The following TBC1D22A variants were observed in gnomAD, a reference collection of about 807,000 sequenced individuals.
The protein encoded by TBC1D22A is putative GTPase activator.
TBC1D22A carries 38 observed loss-of-function variants against 60.2 expected under a neutral mutation model. The observed-to-expected ratio is 0.63, with a 90% confidence interval of 0.49 to 0.83. The LOEUF is 0.83. Ranked by LOEUF, TBC1D22A falls within the 40% of genes least tolerant of loss-of-function variation. TBC1D22A has a pLI of 0.00. For synonymous variants in TBC1D22A, 302 were observed against 281.7 expected, an observed-to-expected ratio of 1.07 and a Z score of -0.72; for missense variants, 628 against 701.0, an observed-to-expected ratio of 0.90 and a Z score of 1.18.
chr22:47,033,322 C>T (rs1318219060), intron 10 of TBC1D22A, among the ~76,000 whole-genome samples: 3 of 152,306 alleles, frequency 2.0e-5, no homozygotes, highest in African/African-American at 7.2e-5. Context: ...TTGAAAAGAA[C>T]GTCATGTTCT....
At chr22:47,125,547 T>G (rs2066423133) in intron 12 of TBC1D22A, among the ~76,000 whole-genome samples, 1 of 152,202 alleles carries the variant, frequency 6.6e-6, no homozygotes, top group Non-Finnish European at 1.5e-5. Flanking sequence ...CTGCAGAGTT[T>G]AATAGCTTTC....
chr22:46,762,803 C>T lies in TBC1D22A; in HGVS notation c.17C>T (p.Ala6Val). 1 of 1,454,232 alleles carries T rather than the reference C, an allele frequency of 6.9e-7. No homozygotes were observed. Among genetic ancestry groups the T allele is most frequent in the Non-Finnish European group, 9.0e-7 (1 of 1,111,318 alleles). The allele number at this position is 1,454,232 out of a possible 1,614,324, so 90.1% of individuals were successfully genotyped here. A position where few individuals can be genotyped will look rare whatever the true frequency, so the allele number is the denominator to read the frequency against. ...GGAGGGGCCATGGCCAGCGACGGGG[C>T]CAGGAAGCAATTCTGGAAGCGCAGC... is the stretch of plus-strand genomic sequence containing the variant. MASDG[A>V]RKQFWKRSNS... is the part of the protein sequence containing the mutation. Residue 6 changes from alanine (A) to valine (V), a missense_variant, in exon 1 of 13, where the codon GCC (alanine) becomes GTC (valine). Ala to Val is a moderately conservative substitution (Grantham distance 64, BLOSUM62 0). Coordinates refer to ENST00000337137, the MANE Select transcript of TBC1D22A (RefSeq NM_014346.5).
intron 4 of TBC1D22A, among the ~76,000 whole-genome samples, chr22:46,860,263 C>T (rs549644673): frequency 8.1e-5 from 4 of 49,610 alleles, no homozygotes; most frequent in African/African-American, 4.3e-4. Flanking sequence ...TAGAGGTCCG[C>T]GCAGTGCTGT....
chr22:46,983,695 GT>G (rs556363610), intron 9 of TBC1D22A, among the ~76,000 whole-genome samples: 11,380 of 142,708 alleles, frequency 0.08, 650 homozygotes, highest in African/African-American at 0.16. Context: ...AGAAGACCAG[GT>G]TTTTTTTTTT....
chr22:46,779,367 G>A (rs1264269985), intron 1 of TBC1D22A, among the ~76,000 whole-genome samples: 1 of 152,136 alleles, frequency 6.6e-6, no homozygotes, highest in Non-Finnish European at 1.5e-5. Flanking sequence ...TGACTTCTCT[G>A]TGTTGGACAA....
intron 4 of TBC1D22A, among the ~76,000 whole-genome samples, chr22:46,810,751 C>T (rs948781142): frequency 6.6e-6 from 1 of 152,122 alleles, no homozygotes; most frequent in African/African-American, 2.4e-5. Context: ...ACAATAATTA[C>T]ATAATTGGCG....
At chr22:47,084,939 C>T (rs1411238666) in intron 11 of TBC1D22A, among the ~76,000 whole-genome samples, 1 of 152,164 alleles carries the variant, frequency 6.6e-6, no homozygotes, top group African/African-American at 2.4e-5. Context: ...TAGATGGTAA[C>T]TCTAAGCGTT....
intron 7 of TBC1D22A, among the ~76,000 whole-genome samples, chr22:46,902,756 TG>T (rs1383550156): frequency 6.6e-6 from 1 of 150,934 alleles, no homozygotes; most frequent in Non-Finnish European, 1.5e-5. Flanking sequence ...AAAGTTGTAA[TG>T]GTTGTGATTC....
At position 47,150,614 on chromosome 22, in the gene TBC1D22A, G is replaced by A. The variant is rs114828932; in HGVS notation, c.1426-22884G>A. Among the ~76,000 whole-genome samples the A allele has an allele frequency of 5.1e-3, 771 of 152,326 alleles. 10 individuals are homozygous for A. Among genetic ancestry groups the A allele is most frequent in the African/African-American group, 0.018 (730 of 41,574 alleles). On this transcript the variant is annotated intron_variant, in intron 12 of 12. Coordinates refer to ENST00000337137, the MANE Select transcript of TBC1D22A (RefSeq NM_014346.5). ...GGCCTTCTCGCCGAGCTGTCTGCTC[G>A]TTGGCTTGCCCACTTGTGGGCCACA...
chr22:46,825,028 C>T (rs2085990750), intron 4 of TBC1D22A, among the ~76,000 whole-genome samples: 1 of 152,040 alleles, frequency 6.6e-6, no homozygotes, highest in South Asian at 2.1e-4. Flanking sequence ...GCCTGCCCAG[C>T]ATTCTTTTTC....
intron 12 of TBC1D22A, among the ~76,000 whole-genome samples, chr22:47,114,253 T>C (rs907018801): frequency 6.7e-6 from 1 of 149,256 alleles, no homozygotes; most frequent in Non-Finnish European, 1.5e-5. Context: ...GTGTGGGGTG[T>C]GGGGTGTGGG....
At chr22:46,851,170 A>T (rs1441617785) in intron 4 of TBC1D22A, among the ~76,000 whole-genome samples, 1 of 152,204 alleles carries the variant, frequency 6.6e-6, no homozygotes, top group Non-Finnish European at 1.5e-5. Context: ...TTCAAAACAT[A>T]CCTGTTGGCT....
chr22:47,012,335 C>A (rs536718271), intron 10 of TBC1D22A, among the ~76,000 whole-genome samples: 13 of 152,302 alleles, frequency 8.5e-5, no homozygotes, highest in African/African-American at 3.1e-4. Context: ...AGCCCTCCTG[C>A]CCCTGAGCCA....
chr22:47,089,111 G>C (rs2064814949), intron 11 of TBC1D22A, among the ~76,000 whole-genome samples: 1 of 152,222 alleles, frequency 6.6e-6, no homozygotes, highest in Non-Finnish European at 1.5e-5. Flanking sequence ...ATGAGTAAGA[G>C]AGTTGGCTCT....
At chr22:47,006,518 G>A (rs909878591) in intron 10 of TBC1D22A, among the ~76,000 whole-genome samples, 2 of 152,214 alleles carry the variant, frequency 1.3e-5, no homozygotes, top group African/African-American at 4.8e-5. Flanking sequence ...TAGGCTGTGA[G>A]CCTGCGTCCA....
At chr22:46,793,460 C>G (rs369114149) in intron 2 of TBC1D22A, 41 bp from the exon 3 acceptor site, 3 of 1,602,178 alleles carry the variant, frequency 1.9e-6, no homozygotes, top group African/African-American at 2.7e-5. Flanking sequence ...TTGGGTGAAG[C>G]CTTCGAGCAT....
intron 12 of TBC1D22A, among the ~76,000 whole-genome samples, chr22:47,155,906 A>G (rs2067697155): frequency 6.6e-6 from 1 of 152,256 alleles, no homozygotes. Flanking sequence ...GAAAGGTTAA[A>G]AATAAGGTAA....
chr22:46,882,697 A>C (rs1001054428), intron 5 of TBC1D22A, among the ~76,000 whole-genome samples: 2 of 152,194 alleles, frequency 1.3e-5, no homozygotes, highest in Non-Finnish European at 2.9e-5. Flanking sequence ...CCAGTCTGTG[A>C]GTCCTTCCAG....
intron 1 of TBC1D22A, among the ~76,000 whole-genome samples, chr22:46,766,075 G>A (rs1192978943): frequency 6.6e-6 from 1 of 150,930 alleles, no homozygotes; most frequent in Non-Finnish European, 1.5e-5. Context: ...TCGGCTCACT[G>A]CAAGCTCCGC....
Sources: gnomAD v4.1 joint callset for allele counts (sites outside exome capture counted in the v4.1 genomes callset) on GRCh38, gnomAD v4.1.1 for gene constraint, MANE v1.5 for transcripts, NCBI Gene and HGNC (gene_info 2026-07-23, HGNC 2026-07-21) for gene names.